The following CHST9 variants were observed in gnomAD, a reference collection of about 807,000 sequenced individuals.
CHST9 encodes the protein GalNAc-4-sulfotransferase 2.
Under a neutral mutation model 44.4 loss-of-function variants are expected in CHST9, and 41 were observed. The ratio of observed to expected loss-of-function variants is 0.92; its 90% confidence interval spans 0.72 to 1.20. The LOEUF (loss-of-function observed/expected upper bound fraction) is 1.20, where lower values mean the gene tolerates loss of function less well. CHST9 is among the 50% of genes most tolerant of loss of function. CHST9 has a pLI of 0.00. For synonymous variants in CHST9, 171 were observed against 178.4 expected, an observed-to-expected ratio of 0.96 and a Z score of 0.33; for missense variants, 504 against 516.5, an observed-to-expected ratio of 0.98 and a Z score of 0.23.
In CHST9 at chr18:26,939,573, C is replaced by T. The variant is rs2056051206; in HGVS notation, c.240+4756G>A. 5.9e-5 allele frequency among the ~76,000 whole-genome samples: 9 copies of T among 152,216 alleles called. No homozygotes were observed. In the South Asian group the frequency reaches 1.9e-3, roughly 32 times the overall value. On this transcript the variant is annotated intron_variant, in intron 5 of 5. Transcript: ENST00000618847. ...AAGAGCATGAATGGAGGTCCACATA[C>T]TATATGTCGAACTATTTCAAAGTGT...
chr18:26,914,079 CA>C lies in CHST9; in HGVS notation c.*2179del, dbSNP rs2055478676. 1 of 152,158 alleles carries C rather than the reference CA, an allele frequency of 6.6e-6. No homozygotes were observed. The highest frequency in any genetic ancestry group is 6.6e-5 in the Admixed American group (1 of 15,258). The allele number at this position is 152,158 out of a possible 1,614,324, so 9.4% of individuals were successfully genotyped here. A position where few individuals can be genotyped will look rare whatever the true frequency, so the allele number is the denominator to read the frequency against. On this transcript the variant is annotated 3_prime_UTR_variant, in exon 6 of 6. Coordinates refer to ENST00000618847, the MANE Select transcript of CHST9 (RefSeq NM_031422.6). ...GAAAGGGTCAGGAAAGGAACATATA[CA>C]GCAAAAGGTACAATACAGCTTTCCG...
At chr18:27,026,578 T>C (rs2057287526) in intron 3 of CHST9, among the ~76,000 whole-genome samples, 1 of 152,212 alleles carries the variant, frequency 6.6e-6, no homozygotes, top group Non-Finnish European at 1.5e-5. Flanking sequence ...TTTTAAATCA[T>C]TGTTATTTTT....
intron 4 of CHST9, among the ~76,000 whole-genome samples, chr18:27,004,533 T>C (rs2056991611): frequency 6.6e-6 from 1 of 152,124 alleles, no homozygotes; most frequent in Non-Finnish European, 1.5e-5. Context: ...CTTATGTCGA[T>C]AAATGTATTT....
At chr18:27,011,018 G>T (rs1252885012) in intron 4 of CHST9, among the ~76,000 whole-genome samples, 1 of 152,254 alleles carries the variant, frequency 6.6e-6, no homozygotes, top group South Asian at 2.1e-4. Flanking sequence ...TTCAGATATT[G>T]TAAAGGCTCC....
At chr18:27,132,662 A>G (rs1408446065) in intron 2 of CHST9, among the ~76,000 whole-genome samples, 5 of 152,176 alleles carry the variant, frequency 3.3e-5, no homozygotes, top group Non-Finnish European at 5.9e-5. Flanking sequence ...CCTCTGCTTT[A>G]CCCTCTACTC....
At chr18:26,953,332 G>T (rs1414786864) in intron 4 of CHST9, among the ~76,000 whole-genome samples, 1 of 152,194 alleles carries the variant, frequency 6.6e-6, no homozygotes, top group Non-Finnish European at 1.5e-5. Flanking sequence ...AGGGGAGAGG[G>T]TTTAGAGAGA....
intron 1 of CHST9, among the ~76,000 whole-genome samples, chr18:27,145,971 G>T (rs890687919): frequency 6.6e-6 from 1 of 152,138 alleles, no homozygotes; most frequent in Non-Finnish European, 1.5e-5. Context: ...ACAAAATCTA[G>T]TACTAACAAA....
intron 4 of CHST9, among the ~76,000 whole-genome samples, chr18:27,004,125 G>A (rs1484956958): frequency 6.6e-6 from 1 of 151,872 alleles, no homozygotes; most frequent in Non-Finnish European, 1.5e-5. Context: ...GAGAAGAACA[G>A]TAAAGTGGAA....
chr18:27,073,186 C>G (rs1440527547), intron 2 of CHST9, among the ~76,000 whole-genome samples: 1 of 152,172 alleles, frequency 6.6e-6, no homozygotes, highest in African/African-American at 2.4e-5. Context: ...ACTCCAACCA[C>G]TATGACGTGC....
chr18:27,116,610 A>G (rs1050885378), intron 2 of CHST9, among the ~76,000 whole-genome samples: 2 of 152,186 alleles, frequency 1.3e-5, no homozygotes, highest in African/African-American at 4.8e-5. Flanking sequence ...TTTTTGACTC[A>G]GCTTATCAAT....
At chr18:27,043,857 T>C (rs1384950921) in intron 3 of CHST9, among the ~76,000 whole-genome samples, 1 of 152,102 alleles carries the variant, frequency 6.6e-6, no homozygotes, top group Non-Finnish European at 1.5e-5. Context: ...TTGTTGATTC[T>C]AGTGTGTGCC....
At chr18:26,967,517 A>G (rs2056482535) in intron 4 of CHST9, among the ~76,000 whole-genome samples, 1 of 152,168 alleles carries the variant, frequency 6.6e-6, no homozygotes, top group African/African-American at 2.4e-5. Flanking sequence ...GAAGTCCTAT[A>G]ATTTTGTGGG....
intron 2 of CHST9, among the ~76,000 whole-genome samples, chr18:27,131,473 C>A (rs2058471127): frequency 6.6e-6 from 1 of 152,172 alleles, no homozygotes; most frequent in African/African-American, 2.4e-5. Context: ...ATTGCTTGAA[C>A]CTGGGAGGCA....
chr18:26,917,141 A>T lies in CHST9; in HGVS notation c.450T>A (p.Asn150Lys), dbSNP rs1371831075. The part of the protein sequence containing the change: ...KTVFNKFSNM[N>K]WPVDIHPLNK... ...TTAAAGGGTGAATGTCCACTGGCCA[A>T]TTCATGTTGCTGAACTTGTTAAAAA... is the stretch of plus-strand genomic sequence containing the variant. The change falls in exon 6 of 6, where the codon AAT (asparagine) becomes AAA (lysine). Residue 150 changes from asparagine to lysine, a missense_variant. Asn to Lys is a moderately conservative substitution (Grantham distance 94). Coordinates refer to ENST00000618847, the MANE Select transcript of CHST9 (RefSeq NM_031422.6). The T allele has an allele frequency of 6.2e-7, 1 of 1,613,946 alleles. No individual in the cohort carries two copies. Among genetic ancestry groups the T allele is most frequent in the Admixed American group, 1.7e-5 (1 of 59,998 alleles).
chr18:27,168,040 GAATGGTTAT>G (rs2058804469), intron 1 of CHST9, among the ~76,000 whole-genome samples: 1 of 151,736 alleles, frequency 6.6e-6, no homozygotes, highest in South Asian at 2.1e-4. Flanking sequence ...GATAGGCATT[GAATGGTTAT>G]AATCAGAGGA....
chr18:27,115,910 T>G (rs1029578306), intron 2 of CHST9, among the ~76,000 whole-genome samples: 1 of 152,218 alleles, frequency 6.6e-6, no homozygotes, highest in African/African-American at 2.4e-5. Context: ...CTGAACACCT[T>G]TTATGTGCTT....
chr18:27,125,428 C>A (rs895092825), intron 2 of CHST9, among the ~76,000 whole-genome samples: 1 of 152,112 alleles, frequency 6.6e-6, no homozygotes, highest in Non-Finnish European at 1.5e-5. Context: ...CTTAAGAGTA[C>A]TTTTAGGCAT....
rs1306677480 is a variant in CHST9 at position 27,080,358 on chromosome 18, T to A, written c.122-31855A>T. Among the ~76,000 whole-genome samples, 3 of 151,812 alleles carry A rather than the reference T, an allele frequency of 2.0e-5. No homozygotes were observed. The East Asian group carries it at 5.9e-4, about 30-fold the overall frequency. On this transcript the variant is annotated intron_variant, in intron 2 of 5. Transcript: ENST00000618847. ...CCTCTTCTACTTGGTTAACTCTTAC[T>A]TAGCCTTTAAAATTCAAGTCATTTC...
At chr18:27,008,056 G>A (rs536045158) in intron 4 of CHST9, among the ~76,000 whole-genome samples, 67 of 152,236 alleles carry the variant, frequency 4.4e-4, no homozygotes, top group African/African-American at 1.6e-3. Context: ...TTCATGGGAG[G>A]ACACGGAGAG....
Sources: allele counts gnomAD v4.1 joint callset (sites outside exome capture counted in the v4.1 genomes callset), GRCh38; gene constraint gnomAD v4.1.1; transcripts MANE v1.5; gene names NCBI Gene and HGNC (gene_info 2026-07-23, HGNC 2026-07-21).